PHF14: variants seen among roughly 807,000 people sequenced by gnomAD.
PHF14 encodes PHD finger protein 14.
Under a neutral mutation model 117.9 loss-of-function variants are expected in PHF14, and 55 were observed. The observed-to-expected ratio is 0.47, with a 90% confidence interval of 0.38 to 0.58. The LOEUF (loss-of-function observed/expected upper bound fraction) is 0.58. Ranked by LOEUF, PHF14 falls within the 20% of genes least tolerant of loss-of-function variation. The probability of loss-of-function intolerance (pLI) is 0.00; values close to 1 mark genes in which losing one functional copy is unlikely to be tolerated. For missense variants in PHF14, 978 were observed against 1,122.2 expected (o/e 0.87, Z 1.84); for synonymous variants, 409 against 368.6 (o/e 1.11, Z -1.26).
At position 11,042,873 on chromosome 7, in the gene PHF14, A is replaced by G. The variant is rs1181059225; in HGVS notation, c.2312+59A>G. ...TTGATTTACTCTTAGTTTCAGCAGTATAAGATGAAATACTATATTTGTTCA... is the reference window on the plus strand; with the variant it reads ...TTGATTTACTCTTAGTTTCAGCAGTGTAAGATGAAATACTATATTTGTTCA... On this transcript the variant is annotated intron_variant, in intron 13 of 17. Transcript: ENST00000634607. 7.2e-6 allele frequency: 8 copies of G among 1,109,172 alleles called. No homozygotes were observed. The Admixed American group carries it at 1.5e-4, about 21-fold the overall frequency. 68.7% of individuals were successfully genotyped at this position (1,109,172 alleles called of 1,614,324 possible).
chr7:11,161,444 A>AT (rs1562490941), intron 17 of PHF14, among the ~76,000 whole-genome samples: 1 of 151,962 alleles, frequency 6.6e-6, no homozygotes, highest in East Asian at 1.9e-4. Flanking sequence ...TTATGTGTGT[A>AT]TGACAAACTT....
chr7:11,009,629 A>G (rs1169498432), intron 4 of PHF14, among the ~76,000 whole-genome samples: 2 of 152,256 alleles, frequency 1.3e-5, no homozygotes, highest in South Asian at 2.1e-4. Flanking sequence ...ATTGGAGCAG[A>G]TATACAGTGC....
intron 7 of PHF14, among the ~76,000 whole-genome samples, chr7:11,030,645 A>G (rs567102437): frequency 2.0e-5 from 3 of 152,266 alleles, no homozygotes; most frequent in African/African-American, 7.2e-5. Context: ...ATTTGAGGAA[A>G]TTTACAGGGA....
At chr7:11,160,770 T>C (rs1291697893) in intron 17 of PHF14, among the ~76,000 whole-genome samples, 2 of 152,186 alleles carry the variant, frequency 1.3e-5, no homozygotes, top group Non-Finnish European at 1.5e-5. Flanking sequence ...AGTCATTTGT[T>C]TTTTGCTTTT....
chr7:11,083,165 G>A (rs144972419), intron 16 of PHF14, among the ~76,000 whole-genome samples: 62 of 152,254 alleles, frequency 4.1e-4, no homozygotes, highest in Admixed American at 3.5e-3. Flanking sequence ...CAGGATTTGC[G>A]TCAGGGATAA....
rs1788055858 is a variant in PHF14 at position 11,130,160 on chromosome 7, A to G, written c.2772+18693A>G. On this transcript the variant is annotated intron_variant, in intron 17 of 17. Coordinates refer to ENST00000634607, the MANE Select transcript of PHF14 (RefSeq NM_001007157.2). This position sits in a 1 kb window ranked among gnomAD's most constrained non-coding sequence, Gnocchi z 4.2. ...TTTCAACATATGTGGTCCACAGCAT[A>G]GTAGCAGGAAATACCACAAATGTCA... Among the ~76,000 whole-genome samples the G allele has an allele frequency of 6.6e-6, 1 of 152,028 alleles. No homozygotes were observed. Among genetic ancestry groups the G allele is most frequent in the South Asian group, 2.1e-4 (1 of 4,822 alleles).
At chr7:11,071,333 T>A in intron 16 of PHF14, 1 of 513,110 alleles carries the variant, frequency 1.9e-6, no homozygotes, top group Non-Finnish European at 3.9e-6. Flanking sequence ...CAGTAGCATC[T>A]TCTTCCAAGC....
intron 4 of PHF14, among the ~76,000 whole-genome samples, chr7:10,992,748 G>C (rs1452996905): frequency 6.6e-6 from 1 of 152,116 alleles, no homozygotes; most frequent in African/African-American, 2.4e-5. Flanking sequence ...ATGAAATGCT[G>C]TTTTATCTAA....
intron 17 of PHF14, among the ~76,000 whole-genome samples, chr7:11,117,662 A>AGTC (rs964279462): frequency 2.7e-5 from 3 of 112,852 alleles, no homozygotes; most frequent in Admixed American, 2.0e-4. Flanking sequence ...CAAGTAAAAC[A>AGTC]GTCATTGAGA....
At chr7:11,089,535 GA>G (rs776382410) in intron 16 of PHF14, among the ~76,000 whole-genome samples, 1 of 151,428 alleles carries the variant, frequency 6.6e-6, no homozygotes, top group Non-Finnish European at 1.5e-5. Context: ...CCACAAAAAG[GA>G]AAAAAAGGAC....
At chr7:11,084,292 A>T (rs1047997786) in intron 16 of PHF14, among the ~76,000 whole-genome samples, 3 of 152,246 alleles carry the variant, frequency 2.0e-5, no homozygotes, top group Non-Finnish European at 4.4e-5. Context: ...CAATTAGAAC[A>T]TAAGTATTAC....
At chr7:11,107,597 T>G (rs934257957) in intron 16 of PHF14, 5 of 788,238 alleles carry the variant, frequency 6.3e-6, no homozygotes, top group African/African-American at 3.8e-5. Flanking sequence ...TATTAAAAAA[T>G]CTTAGTGTTT....
chr7:11,029,861 T>G (rs1330687008), intron 7 of PHF14, among the ~76,000 whole-genome samples: 2 of 152,140 alleles, frequency 1.3e-5, no homozygotes, highest in Non-Finnish European at 2.9e-5. Flanking sequence ...GTTATGTTTT[T>G]TCTTTTATTG....
At chr7:11,144,232 C>CA (rs1288518514) in intron 17 of PHF14, among the ~76,000 whole-genome samples, 2 of 151,826 alleles carry the variant, frequency 1.3e-5, no homozygotes, top group Non-Finnish European at 2.9e-5. Flanking sequence ...AGCAAGCATG[C>CA]AAAGGAAAGG....
chr7:11,041,560 A>G (rs1784506537), intron 12 of PHF14, among the ~76,000 whole-genome samples: 1 of 151,970 alleles, frequency 6.6e-6, no homozygotes, highest in Non-Finnish European at 1.5e-5. Flanking sequence ...TAACAACAAT[A>G]TCAATCTCCA....
chr7:11,104,150 T>G, intron 16 of PHF14: 1 of 984,688 alleles, frequency 1.0e-6, no homozygotes, highest in Non-Finnish European at 1.2e-6. Context: ...CTTGTTTTGG[T>G]ATCACTGTTA....
At chr7:11,077,938 G>A (rs183462615) in intron 16 of PHF14, among the ~76,000 whole-genome samples, 35 of 152,260 alleles carry the variant, frequency 2.3e-4, no homozygotes, top group African/African-American at 8.2e-4. Flanking sequence ...TCTCTTCAGC[G>A]TGCATGAAAC....
At chr7:11,107,981 C>T (rs987255211) in intron 16 of PHF14, 1 of 152,036 alleles carries the variant, frequency 6.6e-6, no homozygotes, top group African/African-American at 2.4e-5. Flanking sequence ...AAATTTGCAA[C>T]ATAGCTCAGG....
intron 17 of PHF14, among the ~76,000 whole-genome samples, chr7:11,146,811 G>T (rs888686679): frequency 6.6e-6 from 1 of 152,090 alleles, no homozygotes; most frequent in Non-Finnish European, 1.5e-5. Flanking sequence ...ACTCACTTTT[G>T]TGCAAATCAA....
Sources: gnomAD v4.1 joint callset for allele counts (sites outside exome capture counted in the v4.1 genomes callset) on GRCh38, gnomAD v4.1.1 for gene constraint, Gnocchi (gnomAD v3.1) non-coding constraint, MANE v1.5 for transcripts, NCBI Gene and HGNC (gene_info 2026-07-23, HGNC 2026-07-21) for gene names.